PTPRJ: variants seen among roughly 807,000 people sequenced by gnomAD.
PTPRJ encodes receptor-type tyrosine-protein phosphatase eta.
In PTPRJ, 129 loss-of-function variants were observed where a neutral mutation model predicts 141.3. The ratio of observed to expected loss-of-function variants is 0.91; its 90% CI spans 0.79 to 1.06. PTPRJ has a LOEUF of 1.06. Among genes scored for constraint, PTPRJ ranks in the 50% least tolerant of loss-of-function variants. The probability of loss-of-function intolerance (pLI) is 0.00; values close to 1 mark genes in which losing one functional copy is unlikely to be tolerated. For synonymous variants in PTPRJ, 610 were observed against 640.5 expected, an observed-to-expected ratio of 0.95 and a Z score of 0.72; for missense variants, 1,601 against 1,679.7, an observed-to-expected ratio of 0.95 and a Z score of 0.82.
chr11:48,107,480 G>A (rs1177130013), intron 1 of PTPRJ, among the ~76,000 whole-genome samples: 2 of 152,228 alleles, frequency 1.3e-5, no homozygotes, highest in East Asian at 1.9e-4. Flanking sequence ...ACACAACTGG[G>A]GTATATAGGG....
rs150863547 is a variant in PTPRJ at position 48,027,249 on chromosome 11, C to T, written c.96+46241C>T. ...GTCTTGATCTCCTGACCTTGTCATC[C>T]GCATGCCTCGGCCTCCCAAAGTGCT... On this transcript the variant is annotated intron_variant, in intron 1 of 24. Transcript: ENST00000418331. 4.4e-4 allele frequency among the ~76,000 whole-genome samples: 66 copies of T among 151,718 alleles called. 1 individual carries two copies. The East Asian group carries it at 0.012, about 28-fold the overall frequency.
chr11:48,053,174 T>A (rs1470400652), intron 1 of PTPRJ, among the ~76,000 whole-genome samples: 16 of 103,508 alleles, frequency 1.5e-4, no homozygotes, highest in Admixed American at 4.7e-4. Flanking sequence ...TATATAAAAA[T>A]ATATAAATAT....
chr11:48,100,859 G>A (rs1590502975), intron 1 of PTPRJ, among the ~76,000 whole-genome samples: 1 of 149,494 alleles, frequency 6.7e-6, no homozygotes, highest in South Asian at 2.1e-4. Flanking sequence ...TACAGCCTAG[G>A]CAACAAGAGC....
chr11:47,985,675 T>C (rs775849249), intron 1 of PTPRJ, among the ~76,000 whole-genome samples: 1 of 8,258 alleles, frequency 1.2e-4, no homozygotes, highest in Non-Finnish European at 9.8e-4. Context: ...GGCAGACATT[T>C]ATTTATTTAT....
chr11:47,991,151 A>G (rs1321474420), intron 1 of PTPRJ, among the ~76,000 whole-genome samples: 1 of 152,220 alleles, frequency 6.6e-6, no homozygotes, highest in Non-Finnish European at 1.5e-5. Flanking sequence ...TGATAGCACA[A>G]TTTAAATATT....
chr11:48,125,575 C>T (rs1856812435), intron 6 of PTPRJ, among the ~76,000 whole-genome samples: 2 of 152,222 alleles, frequency 1.3e-5, no homozygotes, highest in Admixed American at 1.3e-4. Flanking sequence ...CATTTTTTCA[C>T]CCGCCTTGTA....
At chr11:48,039,149 CAAA>C (rs779545929) in intron 1 of PTPRJ, among the ~76,000 whole-genome samples, 2,630 of 89,196 alleles carry the variant, frequency 0.029, 30 homozygotes, top group Non-Finnish European at 0.047. Flanking sequence ...GAGTCTGTCT[CAAA>C]AAAAAAAAAA....
Position 48,127,907 on chromosome 11 carries a change from A to C in PTPRJ, c.1221A>C (p.Thr407=). The C allele has an allele frequency of 3.7e-6, 6 of 1,614,212 alleles. No homozygotes were observed. Among genetic ancestry groups the C allele is most frequent in the Non-Finnish European group, 5.1e-6 (6 of 1,180,036 alleles). ...ACAAGATACATGTGGCGGGGGAGAC[A>C]GATTCTTCCAATCTCAACGTCAGTG... ...YTYKIHVAGE[T]DSSNLNVSEP... The change falls in exon 7 of 25, where the codon ACA becomes ACC. Residue 407 remains threonine, a synonymous_variant. Coordinates refer to ENST00000418331, the MANE Select transcript of PTPRJ (RefSeq NM_002843.4).
chr11:48,084,630 C>G (rs940314468), intron 1 of PTPRJ, among the ~76,000 whole-genome samples: 21 of 152,172 alleles, frequency 1.4e-4, no homozygotes, highest in Non-Finnish European at 2.9e-5. Flanking sequence ...TACAGCTGAG[C>G]TCTGATTGGC....
chr11:48,053,623 C>T (rs1054854893), intron 1 of PTPRJ, among the ~76,000 whole-genome samples: 6 of 146,230 alleles, frequency 4.1e-5, no homozygotes, highest in African/African-American at 1.5e-4. Context: ...GTTGCCCAGG[C>T]TGGAGTGCAG....
intron 8 of PTPRJ, chr11:48,131,662 G>A: frequency 1.7e-6 from 1 of 591,372 alleles, no homozygotes; most frequent in Admixed American, 2.9e-5. Flanking sequence ...ACTGTCTATG[G>A]CTACTTTGGT....
At chr11:48,067,242 A>G (rs754347307) in intron 1 of PTPRJ, among the ~76,000 whole-genome samples, 1 of 152,060 alleles carries the variant, frequency 6.6e-6, no homozygotes, top group Non-Finnish European at 1.5e-5. Flanking sequence ...CAGAGCAATT[A>G]CAGAGCCTCC....
chr11:48,071,607 C>CA (rs777790920), intron 1 of PTPRJ, among the ~76,000 whole-genome samples: 1 of 82,442 alleles, frequency 1.2e-5, no homozygotes. Context: ...CGCACCCAGC[C>CA]TTTTTTTTTT....
At chr11:48,142,370 A>G (rs998305353) in intron 11 of PTPRJ, among the ~76,000 whole-genome samples, 2 of 151,434 alleles carry the variant, frequency 1.3e-5, no homozygotes, top group African/African-American at 2.4e-5. Flanking sequence ...TTTTTTTTAT[A>G]TTCTGTAAAA....
At chr11:48,135,915 G>A in intron 8 of PTPRJ, 124 bp from the exon 9 acceptor site, 1 of 1,113,982 alleles carries the variant, frequency 9.0e-7, no homozygotes, top group African/African-American at 1.6e-5. Flanking sequence ...TTTGGAGTGT[G>A]CCTTTTGTGA....
chr11:48,030,403 A>T (rs1400101946), intron 1 of PTPRJ, among the ~76,000 whole-genome samples: 3 of 152,166 alleles, frequency 2.0e-5, no homozygotes, highest in Admixed American at 2.0e-4. Context: ...TTCAGGATCT[A>T]GGTCACCTCA....
intron 1 of PTPRJ, among the ~76,000 whole-genome samples, chr11:48,069,443 T>C (rs6485804): frequency 1 from 146,797 of 146,950 alleles, 73,322 homozygotes; most frequent in Middle Eastern, 1. Flanking sequence ...ACTACATTGA[T>C]AATTTTTTTT....
chr11:48,110,106 G>A, intron 2 of PTPRJ, 30 bp downstream of exon 2: 1 of 1,607,808 alleles, frequency 6.2e-7, no homozygotes, highest in African/African-American at 1.3e-5. Context: ...CTATTCTTGT[G>A]TTGTTCGCTA....
chr11:48,090,916 C>T (rs6485809), intron 1 of PTPRJ, among the ~76,000 whole-genome samples: 112,185 of 151,928 alleles, frequency 0.74, 42,198 homozygotes, highest in South Asian at 0.83. Flanking sequence ...ATGTCAAGCA[C>T]TGTGGGAAAG....
Sources: allele counts gnomAD v4.1 joint callset (sites outside exome capture counted in the v4.1 genomes callset), GRCh38; gene constraint gnomAD v4.1.1; transcripts MANE v1.5; gene names NCBI Gene and HGNC (gene_info 2026-07-23, HGNC 2026-07-21).